APBB2: variants seen among roughly 807,000 people sequenced by gnomAD.
The protein encoded by APBB2 is amyloid beta precursor protein binding family B member 2, also known as Fe65-like 1.
Under a neutral mutation model 82.5 loss-of-function variants are expected in APBB2, and 38 were observed. That is an observed-to-expected ratio of 0.46 (90% CI 0.36 to 0.60). The LOEUF (loss-of-function observed/expected upper bound fraction) is 0.60, where lower values mean the gene tolerates loss of function less well. Ranked by LOEUF, APBB2 falls within the 20% of genes least tolerant of loss-of-function variation. The probability of loss-of-function intolerance (pLI) is 0.00; values close to 1 mark genes in which losing one functional copy is unlikely to be tolerated. For missense variants in APBB2, 772 were observed against 972.3 expected, an observed-to-expected ratio of 0.79 and a Z score of 2.74; for synonymous variants, 341 against 368.2, an observed-to-expected ratio of 0.93 and a Z score of 0.85.
chr4:40,953,628 AG>A (rs1448889378), intron 6 of APBB2, among the ~76,000 whole-genome samples: 1 of 152,170 alleles, frequency 6.6e-6, no homozygotes, highest in East Asian at 1.9e-4. Flanking sequence ...CAGCCACTCC[AG>A]CTGGCCCATA....
chr4:40,831,828 T>C (rs1045673872), intron 12 of APBB2, among the ~76,000 whole-genome samples: 6 of 152,128 alleles, frequency 3.9e-5, no homozygotes, highest in African/African-American at 1.4e-4. Flanking sequence ...GACACCTTGG[T>C]GAGCATGCAG....
rs763304593 is a variant in APBB2, at chr4:40,827,145, A to G, written c.1719T>C (p.Asp573=). ...CCACTGACTTACCTTGCAAAGGGAC[A>G]TCGAGGTTCACATTGGCCCTTTCCT... is the stretch of plus-strand genomic sequence containing the variant. ...SLQERANVNL[D]VPLQVDFPTP... Residue 573 remains aspartate (D), a synonymous_variant, in exon 14 of 18, where the codon GAT becomes GAC. Coordinates refer to ENST00000508593, the MANE Select transcript of APBB2 (RefSeq NM_004307.2). The G allele has an allele frequency of 6.2e-7, 1 of 1,614,170 alleles. No homozygotes were observed. Among genetic ancestry groups the G allele is most frequent in the South Asian group, 1.1e-5 (1 of 91,084 alleles).
rs1236323065 is a variant in APBB2 at position 41,048,485 on chromosome 4, CTAT to C, written c.-50-15184_-50-15182del. Among the ~76,000 whole-genome samples, 19 of 152,258 alleles carry C rather than the reference CTAT, an allele frequency of 1.2e-4. No individual in the cohort carries two copies. In the East Asian group the frequency reaches 2.7e-3, roughly 22 times the overall value. ...TTATAACCACTCCATGGAGAGAAAACTATTATTATCCTCATTTTATAGATGTCA... is the reference window on the plus strand; with the variant it reads ...TTATAACCACTCCATGGAGAGAAAACTATTATCCTCATTTTATAGATGTCA... On this transcript the variant is annotated intron_variant, in intron 4 of 17. Transcript: ENST00000508593.
rs867561280 is a variant in APBB2, at chr4:41,049,407, G to A, written c.-50-16103C>T. Reference sequence around the variant, plus strand: ...CCCCGCCCAGCCAGCCCTCCCCTCCGGGAAGGAGATGGGGGACAGCCCCGC... The same window carrying A: ...CCCCGCCCAGCCAGCCCTCCCCTCCAGGAAGGAGATGGGGGACAGCCCCGC... On this transcript the variant is annotated intron_variant, in intron 4 of 17. Transcript: ENST00000508593. 5.9e-4 allele frequency among the ~76,000 whole-genome samples: 81 copies of A among 138,190 alleles called. 3 individuals are homozygous for A. The highest frequency in any genetic ancestry group is 2.1e-3 in the African/African-American group (73 of 33,992). 90.7% of individuals were successfully genotyped at this position (138,190 alleles called of 152,430 possible).
At chr4:41,083,295 A>G (rs1162662411) in intron 3 of APBB2, among the ~76,000 whole-genome samples, 7 of 152,230 alleles carry the variant, frequency 4.6e-5, no homozygotes, top group East Asian at 1.9e-4. Flanking sequence ...ATATGTACAC[A>G]TGTAAAAAGA....
At chr4:41,204,100 G>C (rs1028442852) in intron 1 of APBB2, among the ~76,000 whole-genome samples, 3 of 152,208 alleles carry the variant, frequency 2.0e-5, no homozygotes, top group Non-Finnish European at 4.4e-5. Flanking sequence ...GTAAAGAACA[G>C]ACAGGAGGGA....
At chr4:40,839,787 C>T (rs1205026477) in intron 12 of APBB2, among the ~76,000 whole-genome samples, 2 of 152,024 alleles carry the variant, frequency 1.3e-5, no homozygotes, top group Non-Finnish European at 2.9e-5. Context: ...GCCTCAGCCT[C>T]CCGAGTAGCT....
At chr4:41,124,016 T>A (rs192029492) in intron 2 of APBB2, among the ~76,000 whole-genome samples, 4 of 152,290 alleles carry the variant, frequency 2.6e-5, no homozygotes, top group Admixed American at 2.6e-4. Context: ...TTCATGGCCA[T>A]CCAGAAAGCT....
At chr4:41,023,759 A>G (rs548452394) in intron 5 of APBB2, among the ~76,000 whole-genome samples, 33 of 152,366 alleles carry the variant, frequency 2.2e-4, no homozygotes, top group African/African-American at 6.5e-4. Flanking sequence ...TACACTGCCC[A>G]AAGCAATTTA....
At chr4:40,942,985 C>G (rs1787447101) in intron 7 of APBB2, among the ~76,000 whole-genome samples, 1 of 152,222 alleles carries the variant, frequency 6.6e-6, no homozygotes, top group African/African-American at 2.4e-5. Flanking sequence ...CCTCTGCAGG[C>G]AGCCTTTACA....
intron 12 of APBB2, among the ~76,000 whole-genome samples, chr4:40,845,202 G>C (rs1172766565): frequency 6.6e-6 from 1 of 152,200 alleles, no homozygotes; most frequent in African/African-American, 2.4e-5. Flanking sequence ...TATTTGAAAT[G>C]TCATTCAGAA....
In APBB2 at chr4:40,810,504, G is replaced by A. The variant is rs1182107437; in HGVS notation, c.*5588C>T. On this transcript the variant is annotated 3_prime_UTR_variant, in exon 18 of 18. Coordinates refer to ENST00000508593, the MANE Select transcript of APBB2 (RefSeq NM_004307.2). ...GAGGTACGAGGATCTCTTGAGTCCA[G>A]GAGGTGCAGGTTGCAGTGAGCCAAT... 1 of 149,826 alleles carries A rather than the reference G, an allele frequency of 6.7e-6. No individual in the cohort carries two copies. Among genetic ancestry groups the A allele is most frequent in the African/African-American group, 2.5e-5 (1 of 40,406 alleles). 9.3% of individuals were successfully genotyped at this position (149,826 alleles called of 1,614,324 possible). A position where few individuals can be genotyped will look rare whatever the true frequency, so the allele number is the denominator to read the frequency against.
chr4:41,150,244 T>C (rs576205340), intron 1 of APBB2, among the ~76,000 whole-genome samples: 1 of 152,330 alleles, frequency 6.6e-6, no homozygotes, highest in Admixed American at 6.5e-5. Context: ...AATTGTGTAA[T>C]TCAAGAGGAT....
intron 1 of APBB2, among the ~76,000 whole-genome samples, chr4:41,145,492 A>C (rs1182152399): frequency 6.6e-6 from 1 of 152,196 alleles, no homozygotes; most frequent in Non-Finnish European, 1.5e-5. Flanking sequence ...AAACCAGAAG[A>C]AGAAGACAGA....
At chr4:41,043,711 G>A (rs1225856146) in intron 4 of APBB2, among the ~76,000 whole-genome samples, 1 of 151,854 alleles carries the variant, frequency 6.6e-6, no homozygotes, top group Non-Finnish European at 1.5e-5. Context: ...ATCAGTTCCT[G>A]GCATTTCTTT....
At chr4:41,189,166 G>A (rs1054180923) in intron 1 of APBB2, among the ~76,000 whole-genome samples, 1 of 152,176 alleles carries the variant, frequency 6.6e-6, no homozygotes, top group African/African-American at 2.4e-5. Flanking sequence ...TGGATAGGCT[G>A]AAGTATATTC....
intron 17 of APBB2, among the ~76,000 whole-genome samples, chr4:40,819,176 C>CTTTTTT (rs1188181954): frequency 2.2e-5 from 3 of 135,214 alleles, no homozygotes; most frequent in Non-Finnish European, 3.1e-5. Flanking sequence ...CCTTGGCTCT[C>CTTTTTT]TTTTTTTTTT....
chr4:41,049,535 G>C (rs1475942951), intron 4 of APBB2, among the ~76,000 whole-genome samples: 11 of 141,866 alleles, frequency 7.8e-5, no homozygotes, highest in Non-Finnish European at 1.5e-4. Context: ...CCGGCCAGCC[G>C]CCCCGTCCGG....
chr4:40,823,866 T>C (rs935769138), intron 15 of APBB2, 107 bp from the exon 16 acceptor site: 6 of 687,644 alleles, frequency 8.7e-6, no homozygotes, highest in Admixed American at 2.3e-5. Flanking sequence ...CTTTTTTTAA[T>C]AGACAGGACA....
Sources: gnomAD v4.1 joint callset for allele counts (sites outside exome capture counted in the v4.1 genomes callset) on GRCh38, gnomAD v4.1.1 for gene constraint, MANE v1.5 for transcripts, NCBI Gene and HGNC (gene_info 2026-07-23, HGNC 2026-07-21) for gene names.